The following PDE11A variants were observed in gnomAD, a reference collection of about 807,000 sequenced individuals.
PDE11A encodes the protein dual 3',5'-cyclic-AMP and -GMP phosphodiesterase 11A.
PDE11A carries 100 observed loss-of-function variants against 100.5 expected under a neutral mutation model. The ratio of observed to expected loss-of-function variants is 1.00; its 90% CI spans 0.85 to 1.18. PDE11A has a LOEUF of 1.18. Ranked by LOEUF, PDE11A falls within the 50% of genes most tolerant of loss-of-function variation. The pLI, the probability that PDE11A is intolerant of heterozygous loss-of-function variation, is 0.00. For synonymous variants in PDE11A, 381 were observed against 420.8 expected, an observed-to-expected ratio of 0.91 and a Z score of 1.16; for missense variants, 1,141 against 1,152.6, an observed-to-expected ratio of 0.99 and a Z score of 0.15.
chr2:177,953,036 T>A (rs548822437), intron 2 of PDE11A: 2 of 152,344 alleles, frequency 1.3e-5, no homozygotes, highest in African/African-American at 4.8e-5. Context: ...TCTGTGAGTA[T>A]GTTAGTTTGG....
chr2:177,868,479 T>C lies in PDE11A; in HGVS notation c.1367+7380A>G, dbSNP rs115960084. 7.9e-3 allele frequency among the ~76,000 whole-genome samples: 1,210 copies of C among 152,338 alleles called. 19 individuals are homozygous for C. The highest frequency in any genetic ancestry group is 0.027 in the African/African-American group (1,120 of 41,576). On this transcript the variant is annotated intron_variant, in intron 5 of 19. Transcript: ENST00000286063. ...TGAGGCAATGCATTATCACTTAAAA[T>C]ATTTTAATCTTATTTTAAAAGATAT...
chr2:178,071,562 C>T lies in PDE11A; in HGVS notation c.876G>A (p.Glu292=). The T allele has an allele frequency of 6.2e-7, 1 of 1,612,986 alleles. No homozygotes were observed. The highest frequency in any genetic ancestry group is 8.5e-7 in the Non-Finnish European group (1 of 1,178,922). The change falls in exon 1 of 20, where the codon GAG becomes GAA. Residue 292 remains glutamate, a synonymous_variant. Coordinates refer to ENST00000286063, the MANE Select transcript of PDE11A (RefSeq NM_016953.4). ...CAGGAATGTTGACCGTTTCTCCATGCTCCCCGACATAGCCAATGATACCTT... is the reference window on the plus strand; with the variant it reads ...CAGGAATGTTGACCGTTTCTCCATGTTCCCCGACATAGCCAATGATACCTT... ...WGKGIIGYVG[E]HGETVNIPDA...
intron 18 of PDE11A, 75 bp downstream of exon 18, chr2:177,669,418 A>C: frequency 1.3e-6 from 1 of 779,790 alleles, no homozygotes; most frequent in South Asian, 1.4e-5. Context: ...TCCCATTTCC[A>C]ACTTGTAATT....
intron 10 of PDE11A, among the ~76,000 whole-genome samples, chr2:177,730,391 A>G (rs904243354): frequency 2.0e-5 from 3 of 152,166 alleles, no homozygotes; most frequent in Non-Finnish European, 4.4e-5. Context: ...AACATTTTAA[A>G]ATAAGCTCTT....
intron 2 of PDE11A, among the ~76,000 whole-genome samples, chr2:177,952,740 G>C (rs1451905884): frequency 5.3e-5 from 8 of 152,090 alleles, no homozygotes; most frequent in Admixed American, 5.2e-4. Flanking sequence ...GCTTCTTGCA[G>C]CCCTTTTCAA....
At chr2:178,016,092 G>A (rs1305874511) in intron 1 of PDE11A, among the ~76,000 whole-genome samples, 1 of 147,638 alleles carries the variant, frequency 6.8e-6, no homozygotes, top group African/African-American at 2.5e-5. Flanking sequence ...ATCCTCCCAA[G>A]TAGCTGGGAC....
At chr2:177,857,827 T>C (rs2105662907) in intron 5 of PDE11A, among the ~76,000 whole-genome samples, 1 of 151,790 alleles carries the variant, frequency 6.6e-6, no homozygotes, top group Non-Finnish European at 1.5e-5. Flanking sequence ...TGGGTTAAAA[T>C]AAAAAAATGG....
chr2:178,098,391 T>C (rs895293792), intron 2 of PDE11A, among the ~76,000 whole-genome samples: 4 of 152,172 alleles, frequency 2.6e-5, no homozygotes, highest in African/African-American at 7.2e-5. Context: ...TAAAAACAAC[T>C]GTGGTAATTA....
At chr2:177,915,785 A>G (rs1475382577) in intron 2 of PDE11A, among the ~76,000 whole-genome samples, 1 of 152,186 alleles carries the variant, frequency 6.6e-6, no homozygotes, top group Non-Finnish European at 1.5e-5. Context: ...TGTCTTCCAA[A>G]GTGGCTGTGC....
chr2:177,641,858 T>G (rs2105448036), intron 19 of PDE11A, among the ~76,000 whole-genome samples: 1 of 152,344 alleles, frequency 6.6e-6, no homozygotes, highest in South Asian at 2.1e-4. Flanking sequence ...AGGTTACACA[T>G]GTAACTGTGT....
intron 2 of PDE11A, among the ~76,000 whole-genome samples, chr2:177,969,401 T>C (rs1034624166): frequency 2.6e-5 from 4 of 152,124 alleles, no homozygotes; most frequent in African/African-American, 9.7e-5. Context: ...ACCTGCACAT[T>C]CTGCACATGA....
chr2:177,718,116 A>G (rs192363514), intron 12 of PDE11A, among the ~76,000 whole-genome samples: 33 of 152,346 alleles, frequency 2.2e-4, no homozygotes, highest in Admixed American at 2.0e-3. Flanking sequence ...GATAATGTCA[A>G]CAACAGTTAA....
At chr2:177,690,621 A>C (rs552626044) in intron 15 of PDE11A, among the ~76,000 whole-genome samples, 8 of 152,348 alleles carry the variant, frequency 5.3e-5, no homozygotes, top group African/African-American at 1.9e-4. Flanking sequence ...CTTTCGAGAA[A>C]TGCTATTTAC....
chr2:177,817,604 T>C (rs942484619), intron 8 of PDE11A, among the ~76,000 whole-genome samples: 3 of 152,068 alleles, frequency 2.0e-5, no homozygotes, highest in Non-Finnish European at 4.4e-5. Flanking sequence ...AATAGCACTT[T>C]GGGGAAAAGA....
intron 2 of PDE11A, among the ~76,000 whole-genome samples, chr2:178,089,307 T>C (rs899581415): frequency 6.6e-6 from 1 of 152,156 alleles, no homozygotes; most frequent in Non-Finnish European, 1.5e-5. Flanking sequence ...AGAAAGATGT[T>C]ACTGAAGAAG....
At chr2:177,859,667 T>C (rs2083910860) in intron 5 of PDE11A, among the ~76,000 whole-genome samples, 1 of 151,792 alleles carries the variant, frequency 6.6e-6, no homozygotes, top group Non-Finnish European at 1.5e-5. Flanking sequence ...AGAATATATA[T>C]ATATTTTAAG....
chr2:177,737,461 C>T (rs371186501), intron 10 of PDE11A, among the ~76,000 whole-genome samples: 1 of 75,062 alleles, frequency 1.3e-5, no homozygotes, highest in African/African-American at 3.5e-5. Context: ...ATTAGCCAGG[C>T]GTGGTGGTGG....
At chr2:177,813,765 A>G (rs1255155170) in intron 9 of PDE11A, among the ~76,000 whole-genome samples, 1 of 151,848 alleles carries the variant, frequency 6.6e-6, no homozygotes, top group Non-Finnish European at 1.5e-5. Flanking sequence ...GAAGGAAAAG[A>G]TTCTAGGGTG....
chr2:178,054,085 G>C (rs957030911), intron 1 of PDE11A, among the ~76,000 whole-genome samples: 6 of 151,796 alleles, frequency 4.0e-5, no homozygotes, highest in Non-Finnish European at 7.4e-5. Flanking sequence ...AAAGCTGGAG[G>C]CGTCGCGCTA....
Sources: allele counts gnomAD v4.1 joint callset (sites outside exome capture counted in the v4.1 genomes callset), GRCh38; gene constraint gnomAD v4.1.1; transcripts MANE v1.5; gene names NCBI Gene and HGNC (gene_info 2026-07-23, HGNC 2026-07-21).